The following DLC1 variants were observed in gnomAD, a reference collection of about 807,000 sequenced individuals.
The protein encoded by DLC1 is DLC1 Rho GTPase activating protein.
Under a neutral mutation model 140.3 loss-of-function variants are expected in DLC1, and 54 were observed. The ratio of observed to expected loss-of-function variants is 0.38; its 90% CI spans 0.31 to 0.48. The LOEUF (loss-of-function observed/expected upper bound fraction) is 0.48, where lower values mean the gene tolerates loss of function less well. DLC1 is among the 20% of genes least tolerant of loss of function. The pLI is 0.96. For synonymous variants in DLC1, 986 were observed against 728.1 expected, an observed-to-expected ratio of 1.35 and a Z score of -5.70; for missense variants, 2,536 against 1,907.0, an observed-to-expected ratio of 1.33 and a Z score of -6.14.
At chr8:13,453,651 A>C (rs1354183977) in intron 2 of DLC1, among the ~76,000 whole-genome samples, 1 of 145,772 alleles carries the variant, frequency 6.9e-6, no homozygotes, top group Non-Finnish European at 1.5e-5. Context: ...CTCTCATTGG[A>C]AATCTCATGA....
intron 5 of DLC1, among the ~76,000 whole-genome samples, chr8:13,210,783 A>C (rs1426101372): frequency 6.6e-6 from 1 of 152,214 alleles, no homozygotes; most frequent in East Asian, 1.9e-4. Context: ...AAAATGATTT[A>C]GCCCTTATTA....
rs543946888 is a variant in DLC1, at chr8:13,170,526, C to T, written c.1349-54869G>A. Among the ~76,000 whole-genome samples, 9 of 152,148 alleles carry T rather than the reference C, an allele frequency of 5.9e-5. No homozygotes were observed. The East Asian group carries it at 7.8e-4, about 13-fold the overall frequency. On this transcript the variant is annotated intron_variant, in intron 5 of 17. Transcript: ENST00000276297. ...TGGGCGGATCATGAGGTCAGGAAAT[C>T]GAGACCATCCTGGCCAACACGGTGA...
chr8:13,110,768 G>A lies in DLC1; in HGVS notation c.1476C>T (p.Asp492=). The A allele has an allele frequency of 1.9e-6, 3 of 1,614,020 alleles. No individual in the cohort carries two copies. The highest frequency in any genetic ancestry group is 2.7e-5 in the African/African-American group (2 of 75,030). The change falls in exon 7 of 18, where the codon GAC becomes GAT. Residue 492 remains aspartate (D), a synonymous_variant. Transcript: ENST00000276297. ...TGCATAGAGCCTCAATGGCATCTCTGTCCAAAAAATCATGCTCTCTCTTGA... is the reference window on the plus strand; with the variant it reads ...TGCATAGAGCCTCAATGGCATCTCTATCCAAAAAATCATGCTCTCTCTTGA... ...SLVKREHDFL[D]RDAIEALCRR... is the part of the protein sequence containing the mutation.
chr8:13,447,738 A>G (rs772271722), intron 2 of DLC1, among the ~76,000 whole-genome samples: 4 of 152,184 alleles, frequency 2.6e-5, no homozygotes, highest in Non-Finnish European at 5.9e-5. Flanking sequence ...ATTTGCTTCT[A>G]TGCTGGAGTA....
At chr8:13,150,224 T>C (rs780809996) in intron 5 of DLC1, among the ~76,000 whole-genome samples, 1 of 152,240 alleles carries the variant, frequency 6.6e-6, no homozygotes, top group East Asian at 1.9e-4. Flanking sequence ...TTACATCTAT[T>C]TGTAATGCCC....
At chr8:13,570,967 C>T (rs1463846988) in intron 1 of DLC1, among the ~76,000 whole-genome samples, 1 of 152,138 alleles carries the variant, frequency 6.6e-6, no homozygotes, top group Admixed American at 6.6e-5. Context: ...GGGATGAGAG[C>T]ACAGGAGGAG....
chr8:13,499,956 C>T lies in DLC1; in HGVS notation c.116G>A (p.Ser39Asn). ...TACHHGLVAD[S>N]LQASMEKDAT... ...ATCTTTTTCCATACTTGCCTGCAAG[C>T]TGTCAGCTACTAGTCCATGATGACA... Residue 39 changes from serine to asparagine, a missense_variant, in exon 2 of 18, where the codon AGC becomes AAC. Physicochemically the swap from Ser to Asn is conservative, Grantham distance 46 (BLOSUM62 1). Transcript: ENST00000276297. The T allele has an allele frequency of 2.5e-6, 4 of 1,614,100 alleles. No individual in the cohort carries two copies. The African/African-American group carries it at 5.3e-5, about 22-fold the overall frequency.
intron 4 of DLC1, among the ~76,000 whole-genome samples, chr8:13,334,278 A>G (rs552847870): frequency 6.6e-6 from 1 of 152,236 alleles, no homozygotes; most frequent in Admixed American, 6.5e-5. Context: ...GTGTGCTCAA[A>G]GGACAGAGAC....
intron 1 of DLC1, among the ~76,000 whole-genome samples, chr8:13,592,945 C>A (rs74761888): frequency 6.6e-6 from 1 of 152,122 alleles, no homozygotes; most frequent in Non-Finnish European, 1.5e-5. Context: ...GGGTCACACC[C>A]TTATGTCCCT....
chr8:13,148,632 G>C (rs1823598502), intron 5 of DLC1, among the ~76,000 whole-genome samples: 1 of 151,996 alleles, frequency 6.6e-6, no homozygotes. Flanking sequence ...TTCCTCCTTG[G>C]TAACATCTGC....
rs759777815 is a variant in DLC1, at chr8:13,574,114, C to G, written c.-126+30423G>C. On this transcript the variant is annotated intron_variant, in intron 1 of 1. Transcript: ENST00000631382. ...TGTAATCTGTCAGTGTTCTGAGTAG[C>G]TGTTTTCTGTAATTTTACTCTTACC... Among the ~76,000 whole-genome samples, 135 of 152,100 alleles carry G rather than the reference C, an allele frequency of 8.9e-4. 1 individual carries two copies. The highest frequency in any genetic ancestry group is 1.6e-3 in the Non-Finnish European group (106 of 67,984).
At chr8:13,375,917 C>T (rs1324016540) in intron 4 of DLC1, among the ~76,000 whole-genome samples, 4 of 152,060 alleles carry the variant, frequency 2.6e-5, no homozygotes, top group Non-Finnish European at 4.4e-5. Flanking sequence ...TAGTCAACAT[C>T]GGCTACAAAA....
chr8:13,294,778 A>C (rs1831884024), intron 5 of DLC1, among the ~76,000 whole-genome samples: 1 of 152,176 alleles, frequency 6.6e-6, no homozygotes, highest in African/African-American at 2.4e-5. Flanking sequence ...CGTTGTCTGC[A>C]TTGCTGGCTT....
In DLC1 at chr8:13,088,596, C is replaced by G. The variant is rs751949018; in HGVS notation, c.4183G>C (p.Asp1395His). 1 of 1,614,148 alleles carries G rather than the reference C, an allele frequency of 6.2e-7. No homozygotes were observed. The highest frequency in any genetic ancestry group is 1.1e-5 in the South Asian group (1 of 91,064). The change falls in exon 16 of 18, where the codon GAC (aspartate) becomes CAC (histidine). Residue 1395 changes from aspartate to histidine, a missense_variant. By Grantham distance (81) the Asp-to-His change is moderately conservative. Transcript: ENST00000276297. Reference protein sequence around the residue: ...LLKEQHLWDVDLLDSKVIEIL... With the variant: ...LLKEQHLWDVHLLDSKVIEIL... ...TCGATCACTTTTGAATCCAACAGGT[C>G]TACATCCCAGAGGTGCTGTTCTTTA...
chr8:13,478,046 G>A (rs763935639), intron 2 of DLC1, among the ~76,000 whole-genome samples: 2 of 152,184 alleles, frequency 1.3e-5, no homozygotes, highest in African/African-American at 2.4e-5. Context: ...CACCGTCCAT[G>A]TATTAGGTTG....
At chr8:13,291,587 C>G (rs1196962368) in intron 5 of DLC1, among the ~76,000 whole-genome samples, 1 of 152,038 alleles carries the variant, frequency 6.6e-6, no homozygotes, top group Admixed American at 6.5e-5. Context: ...TGCATTATGT[C>G]CATGTCACTT....
chr8:13,348,652 A>G (rs971245992), intron 4 of DLC1, among the ~76,000 whole-genome samples: 7 of 152,216 alleles, frequency 4.6e-5, no homozygotes, highest in Non-Finnish European at 8.8e-5. Context: ...AAAATCACAG[A>G]AGAAGCAGAT....
At chr8:13,569,069 T>C in intron 1 of DLC1, among the ~76,000 whole-genome samples, 1 of 152,188 alleles carries the variant, frequency 6.6e-6, no homozygotes, top group East Asian at 1.9e-4. Context: ...CAAATTTATG[T>C]AATGAGGAAA....
chr8:13,434,557 G>T (rs879355207), intron 2 of DLC1, among the ~76,000 whole-genome samples: 1 of 152,150 alleles, frequency 6.6e-6, no homozygotes, highest in Non-Finnish European at 1.5e-5. Context: ...ATTTGGCTGG[G>T]GACCTAGGTT....
Sources: gnomAD v4.1 joint callset for allele counts (sites outside exome capture counted in the v4.1 genomes callset) on GRCh38, gnomAD v4.1.1 for gene constraint, MANE v1.5 for transcripts, NCBI Gene and HGNC (gene_info 2026-07-23, HGNC 2026-07-21) for gene names.